Variants in EDEM3 observed in about 807,000 individuals in gnomAD.
EDEM3 encodes the protein ER degradation-enhancing alpha-mannosidase-like protein 3.
In EDEM3, 60 loss-of-function variants were observed where a neutral mutation model predicts 110.2. The observed-to-expected ratio is 0.54, with a 90% confidence interval of 0.44 to 0.67. The LOEUF is 0.67. Ranked by LOEUF, EDEM3 falls within the 30% of genes least tolerant of loss-of-function variation. The probability of loss-of-function intolerance (pLI) is 0.00; values close to 1 mark genes in which losing one functional copy is unlikely to be tolerated. For missense variants in EDEM3, 996 were observed against 1,121.0 expected (o/e 0.89, Z 1.59); for synonymous variants, 352 against 382.9 (o/e 0.92, Z 0.94).
At chr1:184,737,876 C>A (rs900967001) in intron 2 of EDEM3, 165 bp from the exon 3 acceptor site, 2 of 623,240 alleles carry the variant, frequency 3.2e-6, no homozygotes, top group Admixed American at 6.5e-5. Context: ...AAATGTAATA[C>A]ATGCTTGGAA....
chr1:184,749,629 A>G, intron 1 of EDEM3, 37 bp from the exon 2 acceptor site: 3 of 1,438,254 alleles, frequency 2.1e-6, no homozygotes, highest in Non-Finnish European at 2.8e-6. Context: ...AAAAAAAAAA[A>G]AAAAGGTAAG....
At chr1:184,718,997 C>T (rs571821618) in intron 11 of EDEM3, among the ~76,000 whole-genome samples, 165 bp downstream of exon 11, 13 of 151,926 alleles carry the variant, frequency 8.6e-5, no homozygotes, top group South Asian at 8.3e-4. Flanking sequence ...TAATACTGTA[C>T]AAACCAAAAA....
In EDEM3 at chr1:184,692,462, A is replaced by G. The variant is rs183721016; in HGVS notation, c.*1601T>C. 1.3e-5 allele frequency: 2 copies of G among 152,268 alleles called. No homozygotes were observed. The highest frequency in any genetic ancestry group is 3.9e-4 in the East Asian group (2 of 5,182). 9.4% of individuals were successfully genotyped at this position (152,268 alleles called of 1,614,324 possible). ...GGTATTTATCCTCTCAGAAAAGAATATGTTTACCTGGGATCTAAACATACT... is the reference window on the plus strand; with the variant it reads ...GGTATTTATCCTCTCAGAAAAGAATGTGTTTACCTGGGATCTAAACATACT... On this transcript the variant is annotated 3_prime_UTR_variant, in exon 20 of 20. Coordinates refer to ENST00000318130, the MANE Select transcript of EDEM3 (RefSeq NM_025191.4).
intron 19 of EDEM3, among the ~76,000 whole-genome samples, chr1:184,696,449 C>G (rs1450236354): frequency 6.6e-6 from 1 of 151,490 alleles, no homozygotes; most frequent in African/African-American, 2.4e-5. Context: ...TTTTTTTAAC[C>G]CGGGGTGTCC....
chr1:184,719,927 A>G (rs765128437), intron 9 of EDEM3, among the ~76,000 whole-genome samples: 2 of 152,176 alleles, frequency 1.3e-5, no homozygotes, highest in Non-Finnish European at 2.9e-5. Context: ...CAGCTTCTGT[A>G]TTACAGAATT....
At chr1:184,720,145 TAAC>T (rs2102087300) in intron 9 of EDEM3, among the ~76,000 whole-genome samples, 1 of 152,324 alleles carries the variant, frequency 6.6e-6, no homozygotes, top group East Asian at 1.9e-4. Flanking sequence ...TGAGTTGTGA[TAAC>T]AAGCCAACAA....
Position 184,754,832 on chromosome 1 carries a change from C to T in EDEM3, c.-186G>A. The T allele has an allele frequency of 1.1e-6, 1 of 930,376 alleles. No homozygotes were observed. Among genetic ancestry groups the T allele is most frequent in the South Asian group, 1.9e-5 (1 of 52,224 alleles). The allele number at this position is 930,376 out of a possible 1,614,324, so 57.6% of individuals were successfully genotyped here. ...CGGTCCCCAGCGCCAGCGCTGCCAC[C>T]GCCCTCCGCCCTCAGTATCCCGGAG... On this transcript the variant is annotated 5_prime_UTR_variant, in exon 1 of 20. Transcript: ENST00000318130.
chr1:184,706,568 T>C (rs1291043967), intron 18 of EDEM3, 75 bp downstream of exon 18: 4 of 1,372,414 alleles, frequency 2.9e-6, no homozygotes, highest in Non-Finnish European at 3.9e-6. Context: ...TGATAAAATT[T>C]TAGAAAATAA....
intron 7 of EDEM3, among the ~76,000 whole-genome samples, chr1:184,724,668 T>G (rs140536429): frequency 2.6e-5 from 4 of 152,132 alleles, no homozygotes; most frequent in Non-Finnish European, 5.9e-5. Flanking sequence ...GAGTGTAAAA[T>G]AGTTATAATT....
Position 184,693,939 on chromosome 1 carries a change from C to G in EDEM3, c.*124G>C. On this transcript the variant is annotated 3_prime_UTR_variant, in exon 20 of 20. Transcript: ENST00000318130. The stretch of plus-strand genomic sequence containing the variant: ...CCTACGATAACTACGCCAGTCAGAA[C>G]GTGGTTGTTCATCACCATACTTAAA... The G allele has an allele frequency of 1.1e-6, 1 of 948,046 alleles. No homozygotes were observed. Among genetic ancestry groups the G allele is most frequent in the Non-Finnish European group, 1.6e-6 (1 of 639,396 alleles). 58.7% of individuals were successfully genotyped at this position (948,046 alleles called of 1,614,324 possible). A position where few individuals can be genotyped will look rare whatever the true frequency, so the allele number is the denominator to read the frequency against.
At chr1:184,715,721 A>G (rs959916201) in intron 13 of EDEM3, among the ~76,000 whole-genome samples, 25 of 152,214 alleles carry the variant, frequency 1.6e-4, no homozygotes, top group African/African-American at 6.0e-4. Context: ...AATTAGTTAA[A>G]CACATAAAAT....
intron 6 of EDEM3, among the ~76,000 whole-genome samples, chr1:184,729,196 AAAATAAAGCATGAGGCAATC>A (rs1162520602): frequency 3.3e-5 from 5 of 152,196 alleles, no homozygotes; most frequent in Admixed American, 6.5e-5. Flanking sequence ...AAGTAGGAAT[AAAATAAAGCATGAGGCAATC>A]TAGAATCTGG....
In EDEM3 at chr1:184,732,878, A is replaced by G. The variant is rs748116675; in HGVS notation, c.571T>C (p.Leu191=). 3 of 1,613,914 alleles carry G rather than the reference A, an allele frequency of 1.9e-6. No homozygotes were observed. The highest frequency in any genetic ancestry group is 1.7e-5 in the Admixed American group (1 of 60,000). The change falls in exon 6 of 20, where the codon TTA becomes CTA. Residue 191 remains leucine (L), a synonymous_variant. Transcript: ENST00000318130. ...QMAKQLGYKL[L]PAFNTTSGLP... ...CCACTGGTAGTGTTGAAAGCCGGTAAAAGTTTGTAACCTAACTGCTTTGCC... is the reference window on the plus strand; with the variant it reads ...CCACTGGTAGTGTTGAAAGCCGGTAGAAGTTTGTAACCTAACTGCTTTGCC...
In EDEM3 at chr1:184,732,825, A is replaced by T; in HGVS notation, c.612+12T>A. 1.9e-6 allele frequency: 3 copies of T among 1,607,426 alleles called. No individual in the cohort carries two copies. The highest frequency in any genetic ancestry group is 1.7e-6 in the Non-Finnish European group (2 of 1,177,202). The stretch of plus-strand genomic sequence containing the variant: ...AAGTATATAAAGACTCATATTTTTC[A>T]GAAGTACTTACTCTTGGATAAGGAA... On this transcript the variant is annotated intron_variant, in intron 6 of 19. Coordinates refer to ENST00000318130, the MANE Select transcript of EDEM3 (RefSeq NM_025191.4).
At chr1:184,730,944 T>C (rs1651476957) in intron 6 of EDEM3, among the ~76,000 whole-genome samples, 1 of 149,922 alleles carries the variant, frequency 6.7e-6, no homozygotes, top group Non-Finnish European at 1.5e-5. Flanking sequence ...CACTGGGATA[T>C]GGAAATAAGA....
chr1:184,708,046 G>GT, intron 17 of EDEM3, 107 bp downstream of exon 17: 1 of 1,076,106 alleles, frequency 9.3e-7, no homozygotes, highest in East Asian at 2.9e-5. Context: ...GACTATTTCA[G>GT]TTTTTTAAAT....
At chr1:184,751,549 A>G (rs1251560812) in intron 1 of EDEM3, among the ~76,000 whole-genome samples, 4 of 152,228 alleles carry the variant, frequency 2.6e-5, no homozygotes, top group African/African-American at 9.6e-5. Flanking sequence ...CACATATTTC[A>G]AAGTGGAGCT....
intron 2 of EDEM3, among the ~76,000 whole-genome samples, chr1:184,743,627 T>G (rs554575165): frequency 3.0e-4 from 46 of 152,126 alleles, no homozygotes; most frequent in Non-Finnish European, 5.4e-4. Flanking sequence ...ATCTGGTAAC[T>G]TCAGCAATTT....
At chr1:184,715,950 A>G (rs1290058446) in intron 13 of EDEM3, among the ~76,000 whole-genome samples, 1 of 152,126 alleles carries the variant, frequency 6.6e-6, no homozygotes, top group African/African-American at 2.4e-5. Flanking sequence ...TGGGTAGATG[A>G]TGAGTGCTGT....
Sources: allele counts gnomAD v4.1 joint callset (sites outside exome capture counted in the v4.1 genomes callset), GRCh38; gene constraint gnomAD v4.1.1; transcripts MANE v1.5; gene names NCBI Gene and HGNC (gene_info 2026-07-23, HGNC 2026-07-21).